Variants in MYCBPAP observed in about 807,000 individuals in gnomAD.
MYCBPAP encodes the protein MYCBP associated protein, also known as MYCBP-associated protein.
A neutral mutation model predicts 106.1 loss-of-function variants in MYCBPAP; 60 were observed. The observed-to-expected ratio is 0.57, with a 90% confidence interval of 0.46 to 0.70. MYCBPAP has a LOEUF of 0.70. Among genes scored for constraint, MYCBPAP ranks in the 30% least tolerant of loss-of-function variants. MYCBPAP has a pLI of 0.00. For missense variants in MYCBPAP, 1,064 were observed against 1,169.3 expected (o/e 0.91, Z 1.31); for synonymous variants, 407 against 440.6 (o/e 0.92, Z 0.95).
chr17:50,508,815 T>A, intron 1 of MYCBPAP, 65 bp downstream of exon 1: 1 of 1,409,286 alleles, frequency 7.1e-7, no homozygotes, highest in Non-Finnish European at 9.9e-7. Flanking sequence ...CGGAAAGAGT[T>A]CAGGACACGG....
At position 50,519,530 on chromosome 17, in the gene MYCBPAP, C is replaced by T. The variant is rs1323950564; in HGVS notation, c.769-110C>T. The T allele has an allele frequency of 6.9e-6, 9 of 1,299,758 alleles. No individual in the cohort carries two copies. The East Asian group carries it at 1.4e-4, about 21-fold the overall frequency. The allele number at this position is 1,299,758 out of a possible 1,614,324, so 80.5% of individuals were successfully genotyped here. A position where few individuals can be genotyped will look rare whatever the true frequency, so the allele number is the denominator to read the frequency against. On this transcript the variant is annotated intron_variant, in intron 6 of 18. Coordinates refer to ENST00000323776, the MANE Select transcript of MYCBPAP (RefSeq NM_032133.6). Reference sequence around the variant, plus strand: ...TATGCAATCACGGCAGCAATGAATTCCCCAGAGGAAGCATCTGTAGCCTGT... The same window carrying T: ...TATGCAATCACGGCAGCAATGAATTTCCCAGAGGAAGCATCTGTAGCCTGT...
chr17:50,512,353 C>T (rs1205212648), intron 1 of MYCBPAP, among the ~76,000 whole-genome samples: 1 of 152,090 alleles, frequency 6.6e-6, no homozygotes, highest in Non-Finnish European at 1.5e-5. Flanking sequence ...CGCGCCCGGC[C>T]CCCCAGCAAG....
At position 50,528,768 on chromosome 17, in the gene MYCBPAP, A is replaced by C. The variant is rs768189264; in HGVS notation, c.2481A>C (p.Ala827=). The change falls in exon 17 of 19, where the codon GCA becomes GCC. Residue 827 remains alanine, a synonymous_variant. Coordinates refer to ENST00000323776, the MANE Select transcript of MYCBPAP (RefSeq NM_032133.6). ...CTGGGAAGGAGGAGCGGAAAGGAGC[A>C]GCCCAGGAAAAGAAGCAACTGGGGA... The part of the protein sequence containing the change: ...GKAGKEERKG[A]AQEKKQLGIK... 5 of 1,614,148 alleles carry C rather than the reference A, an allele frequency of 3.1e-6. No homozygotes were observed. The South Asian group carries it at 5.5e-5, about 18-fold the overall frequency.
rs184139143 is a variant in MYCBPAP, at chr17:50,526,873, G to A, written c.2170-414G>A. On this transcript the variant is annotated intron_variant, in intron 14 of 18. Transcript: ENST00000323776. ...TGGTGTTACAGGCGTGAGCCACCAC[G>A]CCAGGCCAATTTTGTATTTTTAGTA... is the stretch of plus-strand genomic sequence containing the variant. Among the ~76,000 whole-genome samples the A allele has an allele frequency of 6.2e-4, 94 of 152,242 alleles. 1 individual carries two copies. In the East Asian group the frequency reaches 0.017, roughly 27 times the overall value.
chr17:50,519,387 C>T, intron 6 of MYCBPAP: 1 of 588,522 alleles, frequency 1.7e-6, no homozygotes, highest in Non-Finnish European at 3.0e-6. Context: ...GTTGAAGAGT[C>T]CCCCACCTTT....
chr17:50,519,846 T>C (rs983320152), intron 7 of MYCBPAP, 59 bp downstream of exon 7: 2 of 1,566,048 alleles, frequency 1.3e-6, no homozygotes, highest in Admixed American at 3.7e-5. Context: ...GGCAGGGTAG[T>C]GTGGAAGTGG....
Position 50,523,062 on chromosome 17 carries a change from C to G in MYCBPAP, c.1381C>G (p.Gln461Glu). ...TTGGTATGACTGGCGACGGCAGCAC[C>G]AGCCGGACACTTTCCAAGACCTTAA... Reference protein sequence around the residue: ...AIWYDWRRQHQPDTFQDLKKN... With the variant: ...AIWYDWRRQHEPDTFQDLKKN... The change falls in exon 11 of 19, where the codon CAG becomes GAG. Residue 461 changes from glutamine (Q) to glutamate (E), a missense_variant. Physicochemically the swap from Gln to Glu is conservative, Grantham distance 29. Transcript: ENST00000323776. 3 of 1,614,102 alleles carry G rather than the reference C, an allele frequency of 1.9e-6. No individual in the cohort carries two copies. The highest frequency in any genetic ancestry group is 2.5e-6 in the Non-Finnish European group (3 of 1,180,022).
upstream of MYCBPAP, among the ~76,000 whole-genome samples, chr17:50,508,150 C>CA (rs1445688868): frequency 6.7e-6 from 1 of 150,234 alleles, no homozygotes; most frequent in Non-Finnish European, 1.5e-5. Context: ...GATCCCCCCC[C>CA]AGAACCGCTG....
chr17:50,528,625 C>A, intron 16 of MYCBPAP, 70 bp from the exon 17 acceptor site: 1 of 1,571,172 alleles, frequency 6.4e-7, no homozygotes, highest in Non-Finnish European at 8.6e-7. Context: ...CCTCAAGCCT[C>A]CTCACGTACC....
rs903088403 is a variant in MYCBPAP at position 50,521,529 on chromosome 17, C to G, written c.1148+98C>G. 1.3e-5 allele frequency: 12 copies of G among 901,936 alleles called. No homozygotes were observed. In the Admixed American group the frequency reaches 2.1e-4, roughly 16 times the overall value. 55.9% of individuals were successfully genotyped at this position (901,936 alleles called of 1,614,324 possible). On this transcript the variant is annotated intron_variant, in intron 9 of 18. Transcript: ENST00000323776. ...TTCCCTCCCTGAGATCAGGGTGCCT[C>G]TAGCCTAGCTTCTGTCCAGTGGTTG...
In MYCBPAP at chr17:50,528,855, G is replaced by A; in HGVS notation, c.2553+15G>A. 1.2e-6 allele frequency: 2 copies of A among 1,612,632 alleles called. No homozygotes were observed. The highest frequency in any genetic ancestry group is 1.7e-6 in the Non-Finnish European group (2 of 1,179,874). ...TCGGGAAAGAGGCATGCTGGGGCGT[G>A]GTCTGGGCCAGGTGGGGCTGGGGAG... On this transcript the variant is annotated intron_variant, in intron 17 of 18. Coordinates refer to ENST00000323776, the MANE Select transcript of MYCBPAP (RefSeq NM_032133.6).
chr17:50,511,490 C>T (rs554826267), intron 1 of MYCBPAP, among the ~76,000 whole-genome samples: 1 of 152,272 alleles, frequency 6.6e-6, no homozygotes, highest in South Asian at 2.1e-4. Flanking sequence ...ACACTAAAAA[C>T]GAATAATACT....
At chr17:50,520,954 G>T (rs2143951632) in intron 7 of MYCBPAP, 156 bp from the exon 8 acceptor site, 1 of 624,372 alleles carries the variant, frequency 1.6e-6, no homozygotes, top group East Asian at 2.8e-5. Flanking sequence ...GGAGGTATAG[G>T]ACAGGAGAAC....
At chr17:50,520,015 TG>T in intron 7 of MYCBPAP, 1 of 508,184 alleles carries the variant, frequency 2.0e-6, no homozygotes, top group African/African-American at 1.9e-5. Flanking sequence ...GCCATAGAGC[TG>T]CCGTCCAGTG....
intron 15 of MYCBPAP, among the ~76,000 whole-genome samples, chr17:50,527,883 G>A (rs2034512022): frequency 6.6e-6 from 1 of 152,160 alleles, no homozygotes; most frequent in Admixed American, 6.5e-5. Context: ...TCTGGCCCTG[G>A]CCTCAAGCCC....
chr17:50,528,327 G>T, intron 16 of MYCBPAP, 57 bp downstream of exon 16: 1 of 1,414,880 alleles, frequency 7.1e-7, no homozygotes, highest in East Asian at 2.4e-5. Flanking sequence ...CTCTCTGAAT[G>T]GACAAGCAGC....
In MYCBPAP at chr17:50,519,520, G is replaced by A. The variant is rs541880504; in HGVS notation, c.769-120G>A. The A allele has an allele frequency of 1.5e-5, 18 of 1,200,634 alleles. No individual in the cohort carries two copies. In the East Asian group the frequency reaches 4.2e-4, roughly 28 times the overall value. 74.4% of individuals were successfully genotyped at this position (1,200,634 alleles called of 1,614,324 possible). ...ATGCTTCTGTTATGCAATCACGGCA[G>A]CAATGAATTCCCCAGAGGAAGCATC... On this transcript the variant is annotated intron_variant, in intron 6 of 18. Transcript: ENST00000323776.
chr17:50,525,657 C>CTTTTTTTTTT lies in MYCBPAP; in HGVS notation c.1783-223_1783-222insTTTTTTTTTT, dbSNP rs1385942053. On this transcript the variant is annotated intron_variant, in intron 13 of 18. Transcript: ENST00000323776. Reference sequence around the variant, plus strand: ...ATACATCACCATGCTCAGCTAATTTCTCTTTTTTTTTTTGGTAGAGATAGG... The same window carrying CTTTTTTTTTT: ...ATACATCACCATGCTCAGCTAATTTCTTTTTTTTTTTCTTTTTTTTTTTGGTAGAGATAGG... 4.1e-4 allele frequency among the ~76,000 whole-genome samples: 12 copies of CTTTTTTTTTT among 29,152 alleles called. No homozygotes were observed. The East Asian group carries it at 0.026, about 62-fold the overall frequency. The allele number at this position is 29,152 out of a possible 152,430, so 19.1% of individuals were successfully genotyped here.
Position 50,518,563 on chromosome 17 carries a change from C to T in MYCBPAP, c.491C>T (p.Ser164Leu). 6.3e-7 allele frequency: 1 copy of T among 1,590,646 alleles called. No individual in the cohort carries two copies. Among genetic ancestry groups the T allele is most frequent in the Non-Finnish European group, 8.5e-7 (1 of 1,171,468 alleles). ...CAGCTGGCTGAGCGGATACCTACCT[C>T]ACCCTGTCTGATGACCCTCATCTCT... Reference protein sequence around the residue: ...NTQLAERIPTSPCLMTLISAE... With the variant: ...NTQLAERIPTLPCLMTLISAE... Residue 164 changes from serine to leucine, a missense_variant, in exon 5 of 19, where the codon TCA (serine) becomes TTA (leucine). Ser to Leu is a moderately radical substitution (Grantham distance 145). Transcript: ENST00000323776.
Sources: allele counts gnomAD v4.1 joint callset (sites outside exome capture counted in the v4.1 genomes callset), GRCh38; gene constraint gnomAD v4.1.1; transcripts MANE v1.5; gene names NCBI Gene and HGNC (gene_info 2026-07-23, HGNC 2026-07-21).